SCML2: variants seen among roughly 807,000 people sequenced by gnomAD.
SCML2 encodes the protein Scm polycomb group protein like 2, also known as sex comb on midleg-like protein 2.
In SCML2, 6 loss-of-function variants were observed where a neutral mutation model predicts 48.4. The observed-to-expected ratio is 0.12, with a 90% confidence interval of 0.07 to 0.24. The LOEUF is 0.24. Ranked by LOEUF, SCML2 falls within the 10% of genes least tolerant of loss-of-function variation. The probability of loss-of-function intolerance (pLI) is 1.00; values close to 1 mark genes in which losing one functional copy is unlikely to be tolerated. For synonymous variants in SCML2, 181 were observed against 189.5 expected, an observed-to-expected ratio of 0.95 and a Z score of 0.37; for missense variants, 377 against 528.2, an observed-to-expected ratio of 0.71 and a Z score of 2.81.
chrX:18,340,809 CAAA>C (rs752528935), intron 1 of SCML2, among the ~76,000 whole-genome samples: 1 of 39,864 alleles, frequency 2.5e-5, no homozygotes. Flanking sequence ...GACTCCGTCT[CAAA>C]AAAAAAAAAA....
chrX:18,312,224 G>A (rs1488906148), intron 6 of SCML2, among the ~76,000 whole-genome samples: 10 of 112,033 alleles, frequency 8.9e-5, no homozygotes, highest in Non-Finnish European at 5.6e-5. Flanking sequence ...GTACCAGAGT[G>A]TTAACAATGG....
At chrX:18,319,557 A>G (rs1276369132) in intron 6 of SCML2, among the ~76,000 whole-genome samples, 1 of 99,691 alleles carries the variant, frequency 1.0e-5, no homozygotes, top group Non-Finnish European at 2.0e-5. Flanking sequence ...AAATCGTGCC[A>G]CTGTACTCCA....
chrX:18,317,203 C>T (rs1417782904), intron 6 of SCML2, among the ~76,000 whole-genome samples: 1 of 111,822 alleles, frequency 8.9e-6, no homozygotes, highest in Non-Finnish European at 1.9e-5. Context: ...CCATGCCCAG[C>T]CAAAACATAC....
At chrX:18,317,084 T>C (rs1157961455) in intron 6 of SCML2, among the ~76,000 whole-genome samples, 1 of 112,083 alleles carries the variant, frequency 8.9e-6, no homozygotes, top group Non-Finnish European at 1.9e-5. Context: ...TTTTTCTTTA[T>C]AATTTTTAAA....
intron 7 of SCML2, among the ~76,000 whole-genome samples, chrX:18,276,757 A>C (rs990466188): frequency 1.8e-5 from 2 of 112,096 alleles, no homozygotes; most frequent in African/African-American, 6.5e-5. Context: ...CCATTTACAC[A>C]AACTATTAAT....
In SCML2 at chrX:18,334,032, T is replaced by A; in HGVS notation, c.22+18A>T. On this transcript the variant is annotated intron_variant, in intron 2 of 14. Transcript: ENST00000251900. ...TGAGTAACTAAAAACATTATTGCCT[T>A]TAACAAGTAAATCTTACCTTCATTC... 8.4e-7 allele frequency: 1 copy of A among 1,187,197 alleles called. No homozygotes were observed. Among genetic ancestry groups the A allele is most frequent in the South Asian group, 1.9e-5 (1 of 52,679 alleles).
intron 3 of SCML2, among the ~76,000 whole-genome samples, chrX:18,326,174 C>T (rs1009862314): frequency 8.9e-6 from 1 of 112,174 alleles, no homozygotes; most frequent in African/African-American, 3.2e-5. Flanking sequence ...CAGTGTACCA[C>T]CATTACATAT....
chrX:18,315,431 T>C (rs1339800925), intron 6 of SCML2, among the ~76,000 whole-genome samples: 1 of 111,527 alleles, frequency 9.0e-6, no homozygotes, highest in African/African-American at 3.3e-5. Context: ...ATGGTAAGGT[T>C]TTTGTATAAG....
At position 18,305,009 on chromosome X, in the gene SCML2, G is replaced by A; in HGVS notation, c.693C>T (p.Arg231=). Reference sequence around the variant, plus strand: ...GGGGTTGTAATACATCTCCTGTCAGGCGACACCACCCAGCTGGGAAAATAT... The same window carrying A: ...GGGGTTGTAATACATCTCCTGTCAGACGACACCACCCAGCTGGGAAAATAT... ...SRDIFPAGWC[R]LTGDVLQPPG... is the part of the protein sequence containing the mutation. The change falls in exon 7 of 15, where the codon CGC becomes CGT. Residue 231 remains arginine, a synonymous_variant. Coordinates refer to ENST00000251900, the MANE Select transcript of SCML2 (RefSeq NM_006089.3). 8.3e-7 allele frequency: 1 copy of A among 1,210,535 alleles called. No homozygotes were observed. Among genetic ancestry groups the A allele is most frequent in the Non-Finnish European group, 1.1e-6 (1 of 894,902 alleles).
intron 3 of SCML2, among the ~76,000 whole-genome samples, chrX:18,325,503 T>C (rs759186819): frequency 1.8e-5 from 2 of 111,539 alleles, no homozygotes; most frequent in South Asian, 7.5e-4. Flanking sequence ...GACTATTAGA[T>C]CTCTATTCAG....
intron 7 of SCML2, among the ~76,000 whole-genome samples, chrX:18,276,738 T>C (rs1037844623): frequency 8.9e-6 from 1 of 112,059 alleles, no homozygotes; most frequent in Non-Finnish European, 1.9e-5. Flanking sequence ...GGTCACACCT[T>C]GTATGATCCC....
At chrX:18,308,254 T>A (rs1602123652) in intron 6 of SCML2, among the ~76,000 whole-genome samples, 1 of 83,808 alleles carries the variant, frequency 1.2e-5, no homozygotes. Flanking sequence ...AGTGAGATGC[T>A]ATCTCAAAAA....
chrX:18,267,672 G>A (rs1002358270), intron 7 of SCML2, among the ~76,000 whole-genome samples: 4 of 107,262 alleles, frequency 3.7e-5, no homozygotes, highest in Non-Finnish European at 5.8e-5. Context: ...TGCAAGCTCC[G>A]CCTCCCGGGT....
chrX:18,284,518 A>T (rs1181795477), intron 7 of SCML2, among the ~76,000 whole-genome samples: 1 of 112,138 alleles, frequency 8.9e-6, no homozygotes, highest in Non-Finnish European at 1.9e-5. Flanking sequence ...ATCCAACAAA[A>T]GTCTAATATC....
rs73454386 is a variant in SCML2 at position 18,316,042 on chromosome X, G to C, written c.486+4290C>G. On this transcript the variant is annotated intron_variant, in intron 6 of 14. Coordinates refer to ENST00000251900, the MANE Select transcript of SCML2 (RefSeq NM_006089.3). The stretch of plus-strand genomic sequence containing the variant: ...TGGACCTCCAGAGGCCAAAATCAAG[G>C]AAAAGTGAGGATTTAAGATGATGAT... 3.9e-3 allele frequency among the ~76,000 whole-genome samples: 434 copies of C among 111,483 alleles called. 1 individual carries two copies. Among genetic ancestry groups the C allele is most frequent in the African/African-American group, 0.014 (416 of 30,715 alleles).
chrX:18,299,885 C>A (rs1298026442), intron 7 of SCML2, among the ~76,000 whole-genome samples: 2 of 109,957 alleles, frequency 1.8e-5, no homozygotes, highest in Non-Finnish European at 3.8e-5. Context: ...ACTATAGGCA[C>A]GTATCACCAT....
Position 18,337,023 on chromosome X carries a change from A to C in SCML2, c.-24-2928T>G, listed in dbSNP as rs139925811. Among the ~76,000 whole-genome samples, 619 of 110,509 alleles carry C rather than the reference A, an allele frequency of 5.6e-3. 2 individuals are homozygous for C. The highest frequency in any genetic ancestry group is 0.023 in the Middle Eastern group (5 of 214). On this transcript the variant is annotated intron_variant, in intron 1 of 14. Coordinates refer to ENST00000251900, the MANE Select transcript of SCML2 (RefSeq NM_006089.3). ...AGTTATTAATCCAACTATATCAAGAATTACTTTAGGCTGGGTGCCTGTAAT... is the reference window on the plus strand; with the variant it reads ...AGTTATTAATCCAACTATATCAAGACTTACTTTAGGCTGGGTGCCTGTAAT...
chrX:18,273,479 G>A lies in SCML2; in HGVS notation c.731-7677C>T, dbSNP rs764089871. Among the ~76,000 whole-genome samples the A allele has an allele frequency of 2.4e-4, 27 of 111,194 alleles. 1 individual carries two copies. The South Asian group carries it at 9.5e-3, about 39-fold the overall frequency. ...TCCTAAATTCTCTATCTTGATGAAC[G>A]ACATTACCTATCTGAAGTCAGAAAT... On this transcript the variant is annotated intron_variant, in intron 7 of 14. Coordinates refer to ENST00000251900, the MANE Select transcript of SCML2 (RefSeq NM_006089.3).
chrX:18,300,870 C>T (rs1382583398), intron 7 of SCML2, among the ~76,000 whole-genome samples: 6 of 110,916 alleles, frequency 5.4e-5, no homozygotes, highest in Non-Finnish European at 9.4e-5. Flanking sequence ...ATCAGGTTAC[C>T]GTGGAAGGTT....
Sources: allele counts gnomAD v4.1 joint callset (sites outside exome capture counted in the v4.1 genomes callset), GRCh38; gene constraint gnomAD v4.1.1; transcripts MANE v1.5; gene names NCBI Gene and HGNC (gene_info 2026-07-23, HGNC 2026-07-21).